ALPL: variants seen among roughly 807,000 people sequenced by gnomAD.
ALPL encodes alkaline phosphatase, tissue-nonspecific isozyme.
A neutral mutation model predicts 51.3 loss-of-function variants in ALPL; 42 were observed. The ratio of observed to expected loss-of-function variants is 0.82; its 90% confidence interval spans 0.64 to 1.06. ALPL has a LOEUF of 1.06. ALPL is among the 50% of genes least tolerant of loss of function. The pLI is 0.00. For synonymous variants in ALPL, 279 were observed against 296.4 expected, an observed-to-expected ratio of 0.94 and a Z score of 0.60; for missense variants, 589 against 709.4, an observed-to-expected ratio of 0.83 and a Z score of 1.93.
intron 1 of ALPL, among the ~76,000 whole-genome samples, chr1:21,523,158 A>G (rs1643900707): frequency 6.6e-6 from 1 of 152,168 alleles, no homozygotes; most frequent in Non-Finnish European, 1.5e-5. Context: ...ATGTGGTGGC[A>G]GGTGCCTGTA....
chr1:21,547,503 C>T (rs899066953), intron 1 of ALPL, among the ~76,000 whole-genome samples: 1 of 152,290 alleles, frequency 6.6e-6, no homozygotes, highest in East Asian at 1.9e-4. Flanking sequence ...CTTCACTTGC[C>T]GCCTGGCCAG....
intron 1 of ALPL, among the ~76,000 whole-genome samples, chr1:21,539,568 G>T (rs1289743830): frequency 6.6e-6 from 1 of 151,990 alleles, no homozygotes; most frequent in Non-Finnish European, 1.5e-5. Context: ...TCCTCAGCTG[G>T]TTAGTGGGGA....
chr1:21,547,431 G>A (rs941347806), intron 1 of ALPL, among the ~76,000 whole-genome samples: 1 of 152,198 alleles, frequency 6.6e-6, no homozygotes, highest in Non-Finnish European at 1.5e-5. Flanking sequence ...CATCCTGGAT[G>A]TGGTCCTCAC....
At chr1:21,537,117 T>C (rs546818274) in intron 1 of ALPL, among the ~76,000 whole-genome samples, 19 of 152,160 alleles carry the variant, frequency 1.2e-4, no homozygotes, top group Middle Eastern at 6.8e-3. Flanking sequence ...AGGATGGTCT[T>C]GATCTCCTGA....
chr1:21,545,237 A>G (rs769468131), intron 1 of ALPL, among the ~76,000 whole-genome samples: 1 of 152,192 alleles, frequency 6.6e-6, no homozygotes. Context: ...TAAACAGACT[A>G]TAGCCTACAC....
intron 1 of ALPL, among the ~76,000 whole-genome samples, chr1:21,549,759 G>A (rs1420496157): frequency 1.3e-5 from 2 of 152,124 alleles, no homozygotes; most frequent in Non-Finnish European, 2.9e-5. Context: ...CATCGCACTT[G>A]GCTCGGTAGT....
chr1:21,510,708 G>A (rs994392694), intron 1 of ALPL, among the ~76,000 whole-genome samples: 1 of 151,812 alleles, frequency 6.6e-6, no homozygotes, highest in African/African-American at 2.4e-5. Flanking sequence ...CTGAGCCTTG[G>A]TTTTGTCTTC....
intron 1 of ALPL, among the ~76,000 whole-genome samples, chr1:21,517,739 G>A (rs79054263): frequency 1.3e-5 from 2 of 152,016 alleles, no homozygotes; most frequent in Non-Finnish European, 2.9e-5. Context: ...TCCCTACCAC[G>A]CATGGTTTAT....
intron 1 of ALPL, among the ~76,000 whole-genome samples, chr1:21,536,646 CAG>C (rs573009147): frequency 2.0e-4 from 30 of 152,218 alleles, no homozygotes; most frequent in African/African-American, 6.7e-4. Flanking sequence ...AGCAAGCAGA[CAG>C]AGTCTTCCAG....
chr1:21,574,991 C>T (rs150867937), intron 9 of ALPL, among the ~76,000 whole-genome samples: 91 of 152,354 alleles, frequency 6.0e-4, no homozygotes, highest in African/African-American at 1.9e-3. Flanking sequence ...ACAGAGCCCT[C>T]GGCTGCTGGG....
In ALPL at chr1:21,509,816, T is replaced by A. The variant is rs1190766427; in HGVS notation, c.-105+299T>A. ...TCGGGACCGCCCTGCAGTCCCAGGG[T>A]CTCCTACCTCCCGAGCCGCTGCCTG... On this transcript the variant is annotated intron_variant, in intron 1 of 11. Coordinates refer to ENST00000374840, the MANE Select transcript of ALPL (RefSeq NM_000478.6). This position sits in a 1 kb window ranked among gnomAD's most constrained non-coding sequence, Gnocchi z 6.0. Among the ~76,000 whole-genome samples the A allele has an allele frequency of 6.6e-6, 1 of 151,678 alleles. No homozygotes were observed. Among genetic ancestry groups the A allele is most frequent in the Admixed American group, 6.6e-5 (1 of 15,242 alleles).
At chr1:21,509,318 G>C (rs1455291155), upstream of ALPL, 261 of 147,044 alleles carry the variant, frequency 1.8e-3, 1 homozygote, top group African/African-American at 6.3e-3. This position sits in a 1 kb window ranked among gnomAD's most constrained non-coding sequence, Gnocchi z 6.0. Context: ...GGCCGGGGCC[G>C]GGCTGGGGAG....
intron 1 of ALPL, among the ~76,000 whole-genome samples, chr1:21,542,227 G>T (rs1033807809): frequency 6.6e-6 from 1 of 152,092 alleles, no homozygotes; most frequent in Non-Finnish European, 1.5e-5. Context: ...CAGCTATGCA[G>T]GTGCCCCCCA....
chr1:21,531,724 A>G (rs1326837144), intron 1 of ALPL, among the ~76,000 whole-genome samples: 3 of 152,140 alleles, frequency 2.0e-5, no homozygotes, highest in African/African-American at 2.4e-5. Flanking sequence ...CTGAACTCCA[A>G]CCCCACACCC....
Position 21,573,525 on chromosome 1 carries a change from A to G in ALPL, c.863-140A>G. On this transcript the variant is annotated intron_variant, in intron 8 of 11. Coordinates refer to ENST00000374840, the MANE Select transcript of ALPL (RefSeq NM_000478.6). Reference sequence around the variant, plus strand: ...CTGGGCCCACAAAAATCACCCAGATAAGGATCCTCCCAGCCACCATACTCT... The same window carrying G: ...CTGGGCCCACAAAAATCACCCAGATGAGGATCCTCCCAGCCACCATACTCT... The G allele has an allele frequency of 4.0e-6, 4 of 1,011,272 alleles. No homozygotes were observed. In the African/African-American group the frequency reaches 4.9e-5, roughly 12 times the overall value. The allele number at this position is 1,011,272 out of a possible 1,614,324, so 62.6% of individuals were successfully genotyped here.
At chr1:21,525,740 C>T (rs571393697) in intron 1 of ALPL, among the ~76,000 whole-genome samples, 1 of 152,336 alleles carries the variant, frequency 6.6e-6, no homozygotes, top group South Asian at 2.1e-4. Context: ...GTAGTCCCAG[C>T]ACTTTGGGAG....
chr1:21,571,314 G>A (rs938011619), intron 8 of ALPL, among the ~76,000 whole-genome samples: 1 of 152,188 alleles, frequency 6.6e-6, no homozygotes, highest in Non-Finnish European at 1.5e-5. Context: ...GGGTTGTCAT[G>A]AGCATGACAT....
At chr1:21,512,288 G>T (rs1396108000) in intron 1 of ALPL, among the ~76,000 whole-genome samples, 1 of 152,162 alleles carries the variant, frequency 6.6e-6, no homozygotes, top group Non-Finnish European at 1.5e-5. Context: ...TTCATTCCCA[G>T]CACTGCCATG....
At chr1:21,532,381 G>GGC (rs1369113385) in intron 1 of ALPL, among the ~76,000 whole-genome samples, 7 of 151,914 alleles carry the variant, frequency 4.6e-5, no homozygotes, top group African/African-American at 1.7e-4. Flanking sequence ...TGTAGAGATG[G>GGC]GGTTTCACCA....
Sources: allele counts gnomAD v4.1 joint callset (sites outside exome capture counted in the v4.1 genomes callset), GRCh38; gene constraint gnomAD v4.1.1; non-coding constraint Gnocchi (gnomAD v3.1); transcripts MANE v1.5; gene names NCBI Gene and HGNC (gene_info 2026-07-23, HGNC 2026-07-21).